ADGRG6: variants seen among roughly 807,000 people sequenced by gnomAD.
ADGRG6 encodes the protein adhesion G protein-coupled receptor G6, also known as G-protein coupled receptor 126.
ADGRG6 carries 84 observed loss-of-function variants against 142.4 expected under a neutral mutation model. The observed-to-expected ratio is 0.59, with a 90% CI of 0.49 to 0.71. The LOEUF (loss-of-function observed/expected upper bound fraction) is 0.71. Among genes scored for constraint, ADGRG6 ranks in the 30% least tolerant of loss-of-function variants. The probability of loss-of-function intolerance (pLI) is 0.00; values close to 1 mark genes in which losing one functional copy is unlikely to be tolerated. For synonymous variants in ADGRG6, 521 were observed against 520.5 expected (o/e 1.00, Z -0.01); for missense variants, 1,367 against 1,466.6 (o/e 0.93, Z 1.11).
chr6:142,438,611 T>G (rs546998388), intron 24 of ADGRG6, among the ~76,000 whole-genome samples: 1 of 152,338 alleles, frequency 6.6e-6, no homozygotes, highest in African/African-American at 2.4e-5. Flanking sequence ...TACTTCATCA[T>G]TTGATTCAAA....
chr6:142,421,192 A>G (rs1776637761), intron 22 of ADGRG6, among the ~76,000 whole-genome samples: 1 of 152,166 alleles, frequency 6.6e-6, no homozygotes, highest in Non-Finnish European at 1.5e-5. Flanking sequence ...GAAGTGCAAA[A>G]TAATTGTCAC....
intron 2 of ADGRG6, among the ~76,000 whole-genome samples, chr6:142,341,996 C>T (rs1159096704): frequency 6.6e-6 from 1 of 151,854 alleles, no homozygotes; most frequent in Non-Finnish European, 1.5e-5. Context: ...GAAGGCTTGC[C>T]ACTTAGGGTT....
At chr6:142,379,079 G>A (rs894177801) in intron 4 of ADGRG6, among the ~76,000 whole-genome samples, 14 of 152,004 alleles carry the variant, frequency 9.2e-5, no homozygotes, top group African/African-American at 3.1e-4. Flanking sequence ...ACACTTTTGC[G>A]TCTAGGTGTC....
intron 1 of ADGRG6, among the ~76,000 whole-genome samples, chr6:142,308,565 C>T (rs187981298): frequency 6.6e-6 from 1 of 152,030 alleles, no homozygotes; most frequent in East Asian, 1.9e-4. Context: ...TTATTAGTTA[C>T]TCCTTGCTAA....
At chr6:142,409,662 T>C (rs2115046965) in intron 16 of ADGRG6, among the ~76,000 whole-genome samples, 1 of 152,246 alleles carries the variant, frequency 6.6e-6, no homozygotes, top group East Asian at 1.9e-4. Context: ...GAGTAGGTAG[T>C]ATGATTCCTT....
intron 2 of ADGRG6, among the ~76,000 whole-genome samples, chr6:142,361,996 A>C (rs1218365260): frequency 6.6e-6 from 1 of 152,160 alleles, no homozygotes; most frequent in Non-Finnish European, 1.5e-5. Flanking sequence ...ATTTGTTTGG[A>C]TCTTCAGAAA....
chr6:142,397,077 T>C (rs1775235888), intron 9 of ADGRG6, among the ~76,000 whole-genome samples: 1 of 151,470 alleles, frequency 6.6e-6, no homozygotes, highest in African/African-American at 2.4e-5. Flanking sequence ...TATTTGCAAA[T>C]GCCTCATGGA....
chr6:142,333,463 A>G (rs1316240311), intron 2 of ADGRG6, among the ~76,000 whole-genome samples: 1 of 152,174 alleles, frequency 6.6e-6, no homozygotes, highest in Non-Finnish European at 1.5e-5. Context: ...TGTAGTGAAG[A>G]CTGAATGTTG....
In ADGRG6 at chr6:142,367,500, G is replaced by T. The variant is rs894895318; in HGVS notation, c.104-69G>T. 1.3e-5 allele frequency: 13 copies of T among 1,007,888 alleles called. No individual in the cohort carries two copies. The Middle Eastern group carries it at 2.1e-3, about 160-fold the overall frequency. The allele number at this position is 1,007,888 out of a possible 1,614,324, so 62.4% of individuals were successfully genotyped here. On this transcript the variant is annotated intron_variant, in intron 2 of 24. Transcript: ENST00000367609. Reference sequence around the variant, plus strand: ...ACTGCTTGATTGTCGCCAGTGTGTGGTATTCTCGGTTTATTGCATGCATCT... The same window carrying T: ...ACTGCTTGATTGTCGCCAGTGTGTGTTATTCTCGGTTTATTGCATGCATCT...
intron 2 of ADGRG6, among the ~76,000 whole-genome samples, chr6:142,318,381 A>G (rs1778343060): frequency 9.2e-6 from 1 of 108,928 alleles, no homozygotes; most frequent in South Asian, 2.4e-4. Context: ...ATATTTATAT[A>G]TTTATATATT....
At chr6:142,377,614 C>T (rs1372652553) in intron 4 of ADGRG6, among the ~76,000 whole-genome samples, 1 of 152,194 alleles carries the variant, frequency 6.6e-6, no homozygotes, top group African/African-American at 2.4e-5. Flanking sequence ...AATCAGTGAA[C>T]ACATACACAT....
At chr6:142,352,765 A>T (rs1673725009) in intron 2 of ADGRG6, among the ~76,000 whole-genome samples, 1 of 152,172 alleles carries the variant, frequency 6.6e-6, no homozygotes, top group South Asian at 2.1e-4. Context: ...CCAAAAGCAT[A>T]TACATTATGT....
chr6:142,307,299 C>T (rs960547096), intron 1 of ADGRG6, among the ~76,000 whole-genome samples: 1 of 151,994 alleles, frequency 6.6e-6, no homozygotes, highest in East Asian at 1.9e-4. Context: ...GGGTGACAGC[C>T]AGGTTTGATT....
At chr6:142,330,284 C>G (rs1475030932) in intron 2 of ADGRG6, among the ~76,000 whole-genome samples, 9 of 151,758 alleles carry the variant, frequency 5.9e-5, no homozygotes, top group Admixed American at 5.9e-4. Flanking sequence ...ACAGCAAACC[C>G]CCGTGACCCA....
chr6:142,339,931 G>A (rs1400188979), intron 2 of ADGRG6, among the ~76,000 whole-genome samples: 2 of 151,980 alleles, frequency 1.3e-5, no homozygotes, highest in South Asian at 4.1e-4. Flanking sequence ...TCATACATGT[G>A]TATTGCAGGT....
chr6:142,338,043 C>T (rs1219640919), intron 2 of ADGRG6, among the ~76,000 whole-genome samples: 2 of 2,032 alleles, frequency 9.8e-4, no homozygotes, highest in African/African-American at 1.5e-3. Context: ...TTTTTTGAGA[C>T]GGAGTCTCGC....
intron 22 of ADGRG6, among the ~76,000 whole-genome samples, chr6:142,426,640 T>C (rs1201572604): frequency 6.6e-6 from 1 of 152,232 alleles, no homozygotes; most frequent in Admixed American, 6.5e-5. Flanking sequence ...GGCACCCCAG[T>C]AGGGACTCTG....
At chr6:142,309,478 T>C in intron 1 of ADGRG6, 66 bp from the exon 2 acceptor site, 1 of 1,141,794 alleles carries the variant, frequency 8.8e-7, no homozygotes, top group Non-Finnish European at 1.3e-6. Context: ...CTATAGTTTT[T>C]ACTTTATTTG....
chr6:142,376,160 G>A (rs771928510), intron 4 of ADGRG6, among the ~76,000 whole-genome samples: 7 of 151,984 alleles, frequency 4.6e-5, no homozygotes, highest in Non-Finnish European at 7.4e-5. Context: ...TAAATTTTTA[G>A]TGGACTCTTT....
Sources: allele counts gnomAD v4.1 joint callset (sites outside exome capture counted in the v4.1 genomes callset), GRCh38; gene constraint gnomAD v4.1.1; transcripts MANE v1.5; gene names NCBI Gene and HGNC (gene_info 2026-07-23, HGNC 2026-07-21).